The following SHC3 variants were observed in gnomAD, a reference collection of about 807,000 sequenced individuals.
SHC3 encodes the protein SHC-transforming protein 3.
SHC3 carries 15 observed loss-of-function variants against 60.4 expected under a neutral mutation model. That is an observed-to-expected ratio of 0.25 (90% CI 0.17 to 0.38). The LOEUF (loss-of-function observed/expected upper bound fraction) is 0.38, where lower values mean the gene tolerates loss of function less well. Among genes scored for constraint, SHC3 ranks in the 10% least tolerant of loss-of-function variants. The pLI is 1.00. For missense variants in SHC3, 677 were observed against 786.1 expected (o/e 0.86, Z 1.66); for synonymous variants, 294 against 325.9 (o/e 0.90, Z 1.05).
At chr9:89,035,654 T>C (rs1217701684) in intron 11 of SHC3, among the ~76,000 whole-genome samples, 1 of 151,776 alleles carries the variant, frequency 6.6e-6, no homozygotes, top group Non-Finnish European at 1.5e-5. Flanking sequence ...TATCTGGAGA[T>C]TTAAAAACGT....
intron 11 of SHC3, among the ~76,000 whole-genome samples, chr9:89,024,680 G>A (rs1826260225): frequency 1.3e-5 from 2 of 152,226 alleles, no homozygotes; most frequent in Non-Finnish European, 2.9e-5. Context: ...AGGACATGCT[G>A]GGGAACATTT....
intron 11 of SHC3, among the ~76,000 whole-genome samples, chr9:89,026,723 G>A (rs750507509): frequency 3.4e-4 from 52 of 152,154 alleles, no homozygotes; most frequent in Non-Finnish European, 6.9e-4. Context: ...AACCCTGTCC[G>A]CCCAGGGCTT....
In SHC3 at chr9:89,046,921, G is replaced by T; in HGVS notation, c.1036C>A (p.Pro346Thr). The T allele has an allele frequency of 6.2e-7, 1 of 1,611,446 alleles. No individual in the cohort carries two copies. Among genetic ancestry groups the T allele is most frequent in the Non-Finnish European group, 8.5e-7 (1 of 1,178,910 alleles). Residue 346 changes from proline to threonine, a missense_variant, in exon 8 of 12, where the codon CCA becomes ACA. Physicochemically the swap from Pro to Thr is conservative, Grantham distance 38. Coordinates refer to ENST00000375835, the MANE Select transcript of SHC3 (RefSeq NM_016848.6). ...CCCCCTGGAGGAGGCATCTTGCTTG[G>T]GATGCTGTTGTAGTATGGGTGGTCT... ...GSDHPYYNSI[P>T]SKMPPPGGFL... is the part of the protein sequence containing the mutation.
At chr9:89,129,685 C>A (rs1440738570) in intron 1 of SHC3, among the ~76,000 whole-genome samples, 1 of 152,056 alleles carries the variant, frequency 6.6e-6, no homozygotes, top group Non-Finnish European at 1.5e-5. Context: ...AGAAATAAAA[C>A]CCTTTACAGA....
At chr9:89,118,066 T>G (rs1826041463) in intron 1 of SHC3, among the ~76,000 whole-genome samples, 1 of 152,124 alleles carries the variant, frequency 6.6e-6, no homozygotes, top group Non-Finnish European at 1.5e-5. Context: ...TTTTGTGAAG[T>G]TTCCTTACCC....
chr9:89,024,637 C>T (rs1208846962), intron 11 of SHC3, among the ~76,000 whole-genome samples: 2 of 152,230 alleles, frequency 1.3e-5, no homozygotes, highest in Non-Finnish European at 2.9e-5. Flanking sequence ...AGGATTAATA[C>T]AAGTGAAGTA....
At chr9:89,047,500 T>C (rs1020152325) in intron 7 of SHC3, among the ~76,000 whole-genome samples, 1 of 152,210 alleles carries the variant, frequency 6.6e-6, no homozygotes, top group Non-Finnish European at 1.5e-5. Context: ...ACATGTATCT[T>C]AAATGAGACA....
intron 2 of SHC3, chr9:89,110,213 T>C: frequency 1.0e-6 from 1 of 985,314 alleles, no homozygotes; most frequent in East Asian, 1.1e-4. Flanking sequence ...CTCACATTTG[T>C]GTATACAAAG....
intron 7 of SHC3, among the ~76,000 whole-genome samples, chr9:89,049,794 CA>C (rs1414762820): frequency 6.6e-6 from 1 of 152,210 alleles, no homozygotes; most frequent in African/African-American, 2.4e-5. Flanking sequence ...CAACTGTGTT[CA>C]AATAAGGCAA....
intron 1 of SHC3, among the ~76,000 whole-genome samples, chr9:89,118,168 G>A (rs943537554): frequency 5.3e-5 from 8 of 149,576 alleles, no homozygotes; most frequent in Non-Finnish European, 7.4e-5. Flanking sequence ...TTTTTAAAGT[G>A]TTGGTCACCA....
At chr9:89,041,946 A>T in intron 10 of SHC3, 80 bp downstream of exon 10, 3 of 1,546,488 alleles carry the variant, frequency 1.9e-6, no homozygotes, top group Non-Finnish European at 2.6e-6. Flanking sequence ...AAAATTCAGT[A>T]ATTACACAGA....
chr9:89,026,238 GA>G (rs1826296669), intron 11 of SHC3, among the ~76,000 whole-genome samples: 1 of 112,160 alleles, frequency 8.9e-6, no homozygotes, highest in South Asian at 3.1e-4. Context: ...TGGGTGACAA[GA>G]GTGAAACTAC....
At chr9:89,157,347 G>A (rs1318310767) in intron 1 of SHC3, among the ~76,000 whole-genome samples, 2 of 152,204 alleles carry the variant, frequency 1.3e-5, no homozygotes, top group African/African-American at 4.8e-5. Flanking sequence ...AGATTAATGT[G>A]GCCACAGGCC....
Position 89,048,019 on chromosome 9 carries a change from G to T in SHC3, c.963-1025C>A, listed in dbSNP as rs948057819. 7.2e-5 allele frequency among the ~76,000 whole-genome samples: 11 copies of T among 152,284 alleles called. No homozygotes were observed. In the South Asian group the frequency reaches 2.3e-3, roughly 32 times the overall value. On this transcript the variant is annotated intron_variant, in intron 7 of 11. Transcript: ENST00000375835. ...CCAGCATTTTGGGAGGCCAAGGCGGGCAGATCATGAGGTCAGGAGTTCAAG... is the reference window on the plus strand; with the variant it reads ...CCAGCATTTTGGGAGGCCAAGGCGGTCAGATCATGAGGTCAGGAGTTCAAG...
At chr9:89,022,423 T>C (rs1003212556) in intron 11 of SHC3, among the ~76,000 whole-genome samples, 4 of 152,140 alleles carry the variant, frequency 2.6e-5, no homozygotes, top group Admixed American at 2.6e-4. Context: ...TTTTGGGACG[T>C]GGCAACCGTG....
chr9:89,156,109 C>T (rs1826619444), intron 1 of SHC3, among the ~76,000 whole-genome samples: 1 of 152,192 alleles, frequency 6.6e-6, no homozygotes. Context: ...ACAGTGTGTG[C>T]TTCCCAAGGC....
intron 1 of SHC3, among the ~76,000 whole-genome samples, chr9:89,149,486 C>T (rs775948439): frequency 2.6e-5 from 4 of 152,118 alleles, no homozygotes; most frequent in Non-Finnish European, 5.9e-5. Flanking sequence ...TCTCTGCACC[C>T]CTCTTCCTAA....
chr9:89,053,669 G>C (rs1284180767), intron 6 of SHC3, among the ~76,000 whole-genome samples: 1 of 152,226 alleles, frequency 6.6e-6, no homozygotes, highest in African/African-American at 2.4e-5. Flanking sequence ...ATTGCCAAGA[G>C]ATGTGTCTAC....
chr9:89,164,880 G>A (rs1587765349), intron 1 of SHC3, among the ~76,000 whole-genome samples: 1 of 152,076 alleles, frequency 6.6e-6, no homozygotes, highest in Non-Finnish European at 1.5e-5. Flanking sequence ...TTCACCAATA[G>A]AATTGATAAC....
Sources: allele counts gnomAD v4.1 joint callset (sites outside exome capture counted in the v4.1 genomes callset), GRCh38; gene constraint gnomAD v4.1.1; transcripts MANE v1.5; gene names NCBI Gene and HGNC (gene_info 2026-07-23, HGNC 2026-07-21).